The following NXPE2 variants were observed in gnomAD, a reference collection of about 807,000 sequenced individuals.
NXPE2 encodes the protein NXPE family member 2.
NXPE2 carries 34 observed loss-of-function variants against 34.4 expected under a neutral mutation model. The observed-to-expected ratio is 0.99, with a 90% confidence interval of 0.75 to 1.31. NXPE2 has a LOEUF of 1.31. Among genes scored for constraint, NXPE2 ranks in the 40% most tolerant of loss-of-function variants. The pLI is 0.00. For synonymous variants in NXPE2, 235 were observed against 231.3 expected (o/e 1.02, Z -0.15); for missense variants, 649 against 672.5 (o/e 0.97, Z 0.39).
At chr11:114,554,276 G>A in the NXPE2 span, 1 of 977,018 alleles carries the variant, frequency 1.0e-6, no homozygotes, top group Non-Finnish European at 1.2e-6. Flanking sequence ...AGGACACTGA[G>A]TTCTCTGATA....
chr11:114,667,648 G>A, the NXPE2 span, among the ~76,000 whole-genome samples: 1 of 152,120 alleles, frequency 6.6e-6, no homozygotes. Flanking sequence ...GCCACATCAT[G>A]AGTACGCTCA....
chr11:114,799,390 G>T, the NXPE2 span, among the ~76,000 whole-genome samples: 1 of 151,762 alleles, frequency 6.6e-6, no homozygotes, highest in African/African-American at 2.4e-5. Flanking sequence ...GTTTGGAGAA[G>T]AGTTAAGGAA....
At chr11:114,639,737 A>ATAAAAT in the NXPE2 span, among the ~76,000 whole-genome samples, 1 of 105,568 alleles carries the variant, frequency 9.5e-6, no homozygotes, top group Non-Finnish European at 1.9e-5. Context: ...TATAATATAA[A>ATAAAAT]ATAATATATA....
At chr11:114,766,444 T>C in the NXPE2 span, among the ~76,000 whole-genome samples, 1 of 152,206 alleles carries the variant, frequency 6.6e-6, no homozygotes, top group South Asian at 2.1e-4. Context: ...GCCATCCTAG[T>C]TTAATTCCAG....
At chr11:114,527,794 A>T in the NXPE2 span, 1 of 1,394,562 alleles carries the variant, frequency 7.2e-7, no homozygotes, top group Non-Finnish European at 9.9e-7. Context: ...AATGCTGATA[A>T]AAGTTTCCTC....
chr11:114,723,523 C>A, the NXPE2 span, among the ~76,000 whole-genome samples: 2 of 152,160 alleles, frequency 1.3e-5, no homozygotes, highest in Non-Finnish European at 2.9e-5. Flanking sequence ...GAAGGAAAGA[C>A]CCTCAAGATG....
chr11:114,637,766 CTCTT>C, the NXPE2 span, among the ~76,000 whole-genome samples: 3 of 151,660 alleles, frequency 2.0e-5, no homozygotes, highest in African/African-American at 7.3e-5. Flanking sequence ...GAAAATTCTT[CTCTT>C]TAAGAATGTT....
At chr11:114,660,579 G>A in the NXPE2 span, among the ~76,000 whole-genome samples, 21,246 of 151,838 alleles carry the variant, frequency 0.14, 1,905 homozygotes, top group South Asian at 0.2. Flanking sequence ...ATAATGAAAA[G>A]TTATGGTAAA....
the NXPE2 span, among the ~76,000 whole-genome samples, chr11:114,664,611 C>CAT: frequency 6.6e-6 from 1 of 152,152 alleles, no homozygotes; most frequent in South Asian, 2.1e-4. Flanking sequence ...CTTAAAGTTA[C>CAT]ATATATATAA....
At chr11:114,640,029 C>CATTATATTATTTT in the NXPE2 span, among the ~76,000 whole-genome samples, 24 of 115,280 alleles carry the variant, frequency 2.1e-4, 1 homozygote, top group Non-Finnish European at 3.1e-4. Flanking sequence ...TATAATGTAA[C>CATTATATTATTTT]ATAATTATAT....
the NXPE2 span, among the ~76,000 whole-genome samples, chr11:114,493,142 T>G: frequency 6.6e-6 from 1 of 152,178 alleles, no homozygotes; most frequent in African/African-American, 2.4e-5. Flanking sequence ...ACTTAAAAAC[T>G]TTTTTGGTTT....
the NXPE2 span, among the ~76,000 whole-genome samples, chr11:114,725,705 C>T: frequency 6.6e-6 from 1 of 151,878 alleles, no homozygotes; most frequent in Non-Finnish European, 1.5e-5. Context: ...CCTAATCTCT[C>T]TGGGACCTCT....
At chr11:114,768,892 G>T in the NXPE2 span, among the ~76,000 whole-genome samples, 1 of 152,100 alleles carries the variant, frequency 6.6e-6, no homozygotes, top group East Asian at 1.9e-4. Context: ...TCAGGACATA[G>T]GCATGGGCAA....
chr11:114,575,782 A>C, the NXPE2 span, among the ~76,000 whole-genome samples: 7 of 152,170 alleles, frequency 4.6e-5, no homozygotes. Context: ...TGTCAAAAGC[A>C]ATCTACAAAT....
chr11:114,570,632 T>A, the NXPE2 span: 1 of 204,946 alleles, frequency 4.9e-6, no homozygotes, highest in Non-Finnish European at 9.7e-6. Context: ...TTTATCACTC[T>A]GAGTTTTCAT....
chr11:114,792,538 C>CTGCT, the NXPE2 span, among the ~76,000 whole-genome samples: 2 of 152,214 alleles, frequency 1.3e-5, no homozygotes, highest in Non-Finnish European at 1.5e-5. Context: ...TCTTCTCTTA[C>CTGCT]TGCTGCTCTG....
chr11:114,534,845 G>A, the NXPE2 span, among the ~76,000 whole-genome samples: 1 of 152,152 alleles, frequency 6.6e-6, no homozygotes, highest in Non-Finnish European at 1.5e-5. Flanking sequence ...GAACCAAGTT[G>A]GAAAACACTC....
At chr11:114,536,594 G>A in the NXPE2 span, among the ~76,000 whole-genome samples, 1 of 152,082 alleles carries the variant, frequency 6.6e-6, no homozygotes, top group South Asian at 2.1e-4. Flanking sequence ...AAATGACAAA[G>A]GGGATATCAC....
the NXPE2 span, among the ~76,000 whole-genome samples, chr11:114,585,303 T>A: frequency 6.6e-6 from 1 of 151,972 alleles, no homozygotes; most frequent in Non-Finnish European, 1.5e-5. Flanking sequence ...AAATGGTATA[T>A]TTCATTACTC....
Sources: gnomAD v4.1 joint callset for allele counts (sites outside exome capture counted in the v4.1 genomes callset) on GRCh38, gnomAD v4.1.1 for gene constraint, MANE v1.5 for transcripts, NCBI Gene and HGNC (gene_info 2026-07-23, HGNC 2026-07-21) for gene names.